TAF1: variants seen among roughly 807,000 people sequenced by gnomAD.
TAF1 encodes the protein transcription initiation factor TFIID subunit 1.
TAF1 carries 2 observed loss-of-function variants against 138.5 expected under a neutral mutation model. That is an observed-to-expected ratio of 0.01 (90% CI 0.01 to 0.05). TAF1 has a LOEUF of 0.05. Ranked by LOEUF, TAF1 falls within the 10% of genes least tolerant of loss-of-function variation. The probability of loss-of-function intolerance (pLI) is 1.00; values close to 1 mark genes in which losing one functional copy is unlikely to be tolerated. For missense variants in TAF1, 709 were observed against 1,478.0 expected (o/e 0.48, Z 8.53); for synonymous variants, 437 against 503.2 (o/e 0.87, Z 1.76).
chrX:71,463,255 T>A (rs969656681), intron 37 of TAF1, among the ~76,000 whole-genome samples: 2 of 111,658 alleles, frequency 1.8e-5, no homozygotes, highest in Non-Finnish European at 3.8e-5. Context: ...CTAATTTTTT[T>A]AACCAGTGAA....
At chrX:71,501,572 C>T (rs1167317531) in intron 13 of TAF1, among the ~76,000 whole-genome samples, 3 of 111,503 alleles carry the variant, frequency 2.7e-5, no homozygotes, top group Admixed American at 9.6e-5. Context: ...TTTGAGAGTT[C>T]CGCTCATGGC....
intron 13 of TAF1, among the ~76,000 whole-genome samples, chrX:71,481,711 C>T (rs1438261732): frequency 9.0e-6 from 1 of 111,237 alleles, no homozygotes; most frequent in African/African-American, 3.3e-5. Flanking sequence ...GTGCATGCCA[C>T]CATGCCCGGC....
chrX:71,417,863 T>C (rs756501699), intron 28 of TAF1, among the ~76,000 whole-genome samples: 1 of 111,668 alleles, frequency 9.0e-6, no homozygotes, highest in Non-Finnish European at 1.9e-5. Flanking sequence ...TTTATACTAA[T>C]ACTCTATTTT....
intron 22 of TAF1, among the ~76,000 whole-genome samples, chrX:71,396,276 C>T (rs1364563631): frequency 4.7e-5 from 5 of 107,411 alleles, no homozygotes; most frequent in East Asian, 5.7e-4. Flanking sequence ...TTTTCCCCCC[C>T]GAGTTGCGTG....
chrX:71,478,586 C>T (rs1295998802), intron 13 of TAF1, among the ~76,000 whole-genome samples: 1 of 111,329 alleles, frequency 9.0e-6, no homozygotes, highest in South Asian at 3.8e-4. Flanking sequence ...ATGGCTCACA[C>T]CTGTAATCTC....
At chrX:71,376,889 C>T (rs769694399) in intron 4 of TAF1, 61 bp from the exon 5 acceptor site, 36 of 1,183,165 alleles carry the variant, frequency 3.0e-5, no homozygotes, top group Admixed American at 4.6e-5. Flanking sequence ...TGGGTGTTTG[C>T]GGAATTCGAG....
chrX:71,500,288 C>G (rs1417971254), intron 13 of TAF1, among the ~76,000 whole-genome samples: 3 of 111,447 alleles, frequency 2.7e-5, no homozygotes, highest in Non-Finnish European at 3.8e-5. Flanking sequence ...CAGAAAAGGT[C>G]AAGCTGCAGG....
chrX:71,470,654 C>T (rs1380124647), downstream of TAF1, among the ~76,000 whole-genome samples: 1 of 106,647 alleles, frequency 9.4e-6, no homozygotes, highest in African/African-American at 3.4e-5. Context: ...TTGGATTACA[C>T]GCTTGAGCCA....
chrX:71,468,609 C>T (rs973037186), downstream of TAF1, among the ~76,000 whole-genome samples: 3 of 105,427 alleles, frequency 2.8e-5, no homozygotes, highest in African/African-American at 3.5e-5. Flanking sequence ...TCGCTTGAAC[C>T]GGGAGGCGAA....
intron 28 of TAF1, among the ~76,000 whole-genome samples, chrX:71,408,407 T>C (rs1174221651): frequency 9.0e-6 from 1 of 110,808 alleles, no homozygotes; most frequent in Admixed American, 9.6e-5. Flanking sequence ...AACCTCCGCC[T>C]CTCGGTTCAA....
At chrX:71,507,992 A>G (rs769615419) in intron 13 of TAF1, among the ~76,000 whole-genome samples, 48 of 107,204 alleles carry the variant, frequency 4.5e-4, no homozygotes, top group Non-Finnish European at 8.4e-4. Context: ...GTGTCTCAAA[A>G]AAATTAAATA....
chrX:71,417,881 A>G (rs1380307810), intron 28 of TAF1, among the ~76,000 whole-genome samples: 1 of 111,813 alleles, frequency 8.9e-6, no homozygotes, highest in Non-Finnish European at 1.9e-5. Flanking sequence ...TTTTAAAAAA[A>G]ATTATGGAAA....
chrX:71,458,948 T>C (rs1186011923), intron 35 of TAF1, among the ~76,000 whole-genome samples: 1 of 111,106 alleles, frequency 9.0e-6, no homozygotes, highest in Admixed American at 9.6e-5. Context: ...GAGCCTTTCC[T>C]GTTCTTTGGG....
At chrX:71,526,614 T>G (rs2040001820) in intron 13 of TAF1, among the ~76,000 whole-genome samples, 1 of 112,127 alleles carries the variant, frequency 8.9e-6, no homozygotes, top group African/African-American at 3.2e-5. Context: ...TGTTCTATTG[T>G]CTAAGATTAT....
chrX:71,444,781 G>A lies in TAF1; in HGVS notation c.4754-9389G>A, dbSNP rs771519460. On this transcript the variant is annotated intron_variant, in intron 32 of 37. Coordinates refer to ENST00000423759, the MANE Select transcript of TAF1 (RefSeq NM_004606.5). ...TCTTTTTTTGAGACAAGGAGTCTCC[G>A]CTCTGTCGCCCAGGCTGGAACAGCT... 5.5e-5 allele frequency among the ~76,000 whole-genome samples: 6 copies of A among 109,628 alleles called. No homozygotes were observed. The South Asian group carries it at 1.2e-3, about 21-fold the overall frequency.
intron 34 of TAF1, among the ~76,000 whole-genome samples, chrX:71,455,832 C>T (rs778777144): frequency 5.4e-5 from 6 of 112,091 alleles, no homozygotes; most frequent in Non-Finnish European, 9.4e-5. Flanking sequence ...CCAGGTTTCC[C>T]TCTGAACTGA....
chrX:71,512,220 C>T (rs1272884272), intron 13 of TAF1, among the ~76,000 whole-genome samples: 2 of 110,663 alleles, frequency 1.8e-5, no homozygotes, highest in African/African-American at 6.6e-5. Context: ...GAGGCCGAGG[C>T]AAGAGAATGG....
At chrX:71,402,089 A>G (rs1353133640) in intron 25 of TAF1, among the ~76,000 whole-genome samples, 1 of 111,517 alleles carries the variant, frequency 9.0e-6, no homozygotes, top group African/African-American at 3.3e-5. Flanking sequence ...TTCTACTTCT[A>G]GACACTTATA....
In TAF1 at chrX:71,420,803, G is replaced by A. The variant is rs560613510; in HGVS notation, c.4385-506G>A. Among the ~76,000 whole-genome samples the A allele has an allele frequency of 1.5e-4, 17 of 112,654 alleles. No homozygotes were observed. The South Asian group carries it at 4.7e-3, about 31-fold the overall frequency. ...CGGCTCCTCTTCAGGCTTGGGCTCC[G>A]GCTCGGGGTCCAGCGGCAGCTCCTC... On this transcript the variant is annotated intron_variant, in intron 28 of 37. Transcript: ENST00000423759.
Sources: allele counts gnomAD v4.1 joint callset (sites outside exome capture counted in the v4.1 genomes callset), GRCh38; gene constraint gnomAD v4.1.1; transcripts MANE v1.5; gene names NCBI Gene and HGNC (gene_info 2026-07-23, HGNC 2026-07-21).